Variants in MYLK3 observed in about 807,000 individuals in gnomAD.
MYLK3 encodes myosin light chain kinase 3.
MYLK3 carries 55 observed loss-of-function variants against 76.3 expected under a neutral mutation model. The observed-to-expected ratio is 0.72, with a 90% CI of 0.58 to 0.90. MYLK3 has a LOEUF of 0.90. Among genes scored for constraint, MYLK3 ranks in the 40% least tolerant of loss-of-function variants. The pLI is 0.00. For missense variants in MYLK3, 973 were observed against 1,053.6 expected, an observed-to-expected ratio of 0.92 and a Z score of 1.06; for synonymous variants, 416 against 425.4, an observed-to-expected ratio of 0.98 and a Z score of 0.27.
chr16:46,707,779 G>C lies in MYLK3; in HGVS notation c.2401-16C>G. 6.3e-7 allele frequency: 1 copy of C among 1,594,356 alleles called. No homozygotes were observed. The highest frequency in any genetic ancestry group is 8.6e-7 in the Non-Finnish European group (1 of 1,166,150). ...AGAAATGTTTCTTGAGGCAAGGAGA[G>C]AATAAAAGAAAAGAAAAAGCATGTA... On this transcript the variant is annotated splice_polypyrimidine_tract_variant and intron_variant, in intron 12 of 12. Transcript: ENST00000394809.
Position 46,743,378 on chromosome 16 carries a change from C to T in MYLK3, c.478-3231G>A, listed in dbSNP as rs1212167273. Among the ~76,000 whole-genome samples the T allele has an allele frequency of 3.3e-5, 5 of 152,212 alleles. No individual in the cohort carries two copies. In the East Asian group the frequency reaches 5.8e-4, roughly 18 times the overall value. The stretch of plus-strand genomic sequence containing the variant: ...GTCCCCAAGAAGCCTCCATAATGCA[C>T]GGCGTTCAGCACTGACGATGTGTTT... On this transcript the variant is annotated intron_variant, in intron 1 of 12. Coordinates refer to ENST00000394809, the MANE Select transcript of MYLK3 (RefSeq NM_182493.3).
chr16:46,715,245 T>C (rs1966724929), intron 9 of MYLK3, among the ~76,000 whole-genome samples: 1 of 152,204 alleles, frequency 6.6e-6, no homozygotes, highest in Non-Finnish European at 1.5e-5. Context: ...AAACTCCTTA[T>C]CATGAGCTAA....
chr16:46,716,776 C>A (rs1966744978), intron 9 of MYLK3, among the ~76,000 whole-genome samples: 1 of 152,174 alleles, frequency 6.6e-6, no homozygotes, highest in Non-Finnish European at 1.5e-5. Flanking sequence ...GGGTTTAGAT[C>A]ATGGGCTTTT....
intron 1 of MYLK3, among the ~76,000 whole-genome samples, chr16:46,740,536 C>T (rs1168711995): frequency 6.4e-5 from 6 of 93,642 alleles, no homozygotes; most frequent in African/African-American, 2.4e-4. Flanking sequence ...TATATACATA[C>T]ATATATATAT....
chr16:46,719,802 G>A (rs1161026537), intron 9 of MYLK3, among the ~76,000 whole-genome samples: 1 of 152,258 alleles, frequency 6.6e-6, no homozygotes, highest in Non-Finnish European at 1.5e-5. Context: ...CATGGGTAGT[G>A]TGGCACCCCT....
At position 46,730,709 on chromosome 16, in the gene MYLK3, G is replaced by A. The variant is rs373633849; in HGVS notation, c.1463-11C>T. 4 of 1,613,316 alleles carry A rather than the reference G, an allele frequency of 2.5e-6. No homozygotes were observed. The highest frequency in any genetic ancestry group is 1.3e-5 in the African/African-American group (1 of 75,042). On this transcript the variant is annotated splice_polypyrimidine_tract_variant and intron_variant, in intron 4 of 12. Transcript: ENST00000394809. ...GGGCCGGACTGTCATCTGCTCAGGA[G>A]GCAATAAGGACCTGTGAGCCTCCTC...
intron 1 of MYLK3, among the ~76,000 whole-genome samples, chr16:46,758,826 C>T (rs560725337): frequency 6.6e-5 from 10 of 152,016 alleles, no homozygotes; most frequent in Non-Finnish European, 1.0e-4. Flanking sequence ...GTGCGGGGTG[C>T]GGGGTGAGAC....
rs193058474 is a variant in MYLK3 at position 46,706,446 on chromosome 16, A to C, written c.*1258T>G. ...GTAGCTGACATTACAGGCATCCGCC[A>C]CCACGCCCCACTAATTTTTGTATTT... On this transcript the variant is annotated 3_prime_UTR_variant, in exon 13 of 13. Transcript: ENST00000394809. The C allele has an allele frequency of 1.3e-5, 2 of 152,170 alleles. No homozygotes were observed. Among genetic ancestry groups the C allele is most frequent in the East Asian group, 3.9e-4 (2 of 5,168 alleles). The allele number at this position is 152,170 out of a possible 1,614,324, so 9.4% of individuals were successfully genotyped here. A position where few individuals can be genotyped will look rare whatever the true frequency, so the allele number is the denominator to read the frequency against.
At chr16:46,748,499 C>T (rs1200720103), upstream of MYLK3, among the ~76,000 whole-genome samples, 1 of 152,196 alleles carries the variant, frequency 6.6e-6, no homozygotes, top group Non-Finnish European at 1.5e-5. The surrounding 1 kb of genome is among the most constrained non-coding windows in gnomAD (Gnocchi z 4.3). Flanking sequence ...CTCTGAGAGG[C>T]TGCTGATGGG....
intron 3 of MYLK3, among the ~76,000 whole-genome samples, chr16:46,734,275 G>T (rs1157332635): frequency 1.3e-5 from 2 of 152,162 alleles, no homozygotes; most frequent in Non-Finnish European, 2.9e-5. Context: ...AGCATCGATG[G>T]ACCCTGAGGA....
chr16:46,757,747 G>A (rs1015259992), intron 1 of MYLK3, among the ~76,000 whole-genome samples: 5 of 152,316 alleles, frequency 3.3e-5, no homozygotes, highest in East Asian at 3.9e-4. Context: ...CTGCCTCCCC[G>A]GGGGCCTACT....
rs541580699 is a variant in MYLK3 at position 46,744,769 on chromosome 16, G to A, written c.477+2948C>T. 1.9e-3 allele frequency among the ~76,000 whole-genome samples: 290 copies of A among 152,230 alleles called. 1 individual carries two copies. The highest frequency in any genetic ancestry group is 6.5e-3 in the African/African-American group (271 of 41,540). Reference sequence around the variant, plus strand: ...AATCCCAACACTTCGGGAGGCTGAGGCAGGAGGATTGCTTGAGCCCAGGAG... The same window carrying A: ...AATCCCAACACTTCGGGAGGCTGAGACAGGAGGATTGCTTGAGCCCAGGAG... On this transcript the variant is annotated intron_variant, in intron 1 of 12. Transcript: ENST00000394809.
chr16:46,744,818 A>G (rs1966995764), intron 1 of MYLK3, among the ~76,000 whole-genome samples: 1 of 152,128 alleles, frequency 6.6e-6, no homozygotes, highest in Admixed American at 6.5e-5. Context: ...TGGGCAATGT[A>G]GTAAGACCCT....
At chr16:46,733,965 A>G (rs1034143651) in intron 3 of MYLK3, among the ~76,000 whole-genome samples, 3 of 152,202 alleles carry the variant, frequency 2.0e-5, no homozygotes, top group Non-Finnish European at 2.9e-5. Context: ...GGGGTTCAAA[A>G]GGGCTAAAAT....
intron 1 of MYLK3, among the ~76,000 whole-genome samples, chr16:46,756,841 C>T (rs1307713775): frequency 1.3e-5 from 2 of 152,190 alleles, no homozygotes; most frequent in Non-Finnish European, 2.9e-5. Flanking sequence ...GCACCTGGCA[C>T]GTGGTAAGTC....
At position 46,747,889 on chromosome 16, in the gene MYLK3, T is replaced by G. The variant is rs775901507; in HGVS notation, c.305A>C (p.Gln102Pro). The change falls in exon 1 of 13, where the codon CAG (glutamine) becomes CCG (proline). Residue 102 changes from glutamine (Q) to proline (P), a missense_variant. Gln to Pro is a moderately conservative substitution (Grantham distance 76). This residue lies in a region of MYLK3 where 641 missense variants were observed against 637.0 expected (regional missense o/e 1.01). Transcript: ENST00000394809. ...EVLELVRAMQ[Q>P]DAAQHGARLE... ...CCTGGCACCGTGCTGGGCCGCATCC[T>G]GCTGCATGGCCCTCACCAGCTCCAG... 6.8e-6 allele frequency: 11 copies of G among 1,613,828 alleles called. No homozygotes were observed. The African/African-American group carries it at 1.1e-4, about 16-fold the overall frequency.
Position 46,727,370 on chromosome 16 carries a change from C to T in MYLK3, c.1780G>A (p.Gly594Arg), listed in dbSNP as rs1465298646. 2 of 1,608,340 alleles carry T rather than the reference C, an allele frequency of 1.2e-6. No homozygotes were observed. The highest frequency in any genetic ancestry group is 1.7e-6 in the Non-Finnish European group (2 of 1,175,432). Residue 594 changes from glycine (G) to arginine (R), a missense_variant, in exon 8 of 13, where the codon GGG (glycine) becomes AGG (arginine). Coordinates refer to ENST00000394809, the MANE Select transcript of MYLK3 (RefSeq NM_182493.3). ...SCTLVMEYVD[G>R]GELFDRITDE... ...GTGATCCGGTCGAAGAGCTCACCCC[C>T]GTCCACGCTGCCAGAGCAAAGGGAG...
chr16:46,707,290 A>G lies in MYLK3; in HGVS notation c.*414T>C, dbSNP rs970500598. 5.1e-5 allele frequency: 8 copies of G among 156,570 alleles called. No individual in the cohort carries two copies. Among genetic ancestry groups the G allele is most frequent in the African/African-American group, 1.9e-4 (8 of 41,618 alleles). The allele number at this position is 156,570 out of a possible 1,614,324, so 9.7% of individuals were successfully genotyped here. A position where few individuals can be genotyped will look rare whatever the true frequency, so the allele number is the denominator to read the frequency against. On this transcript the variant is annotated 3_prime_UTR_variant, in exon 13 of 13. Coordinates refer to ENST00000394809, the MANE Select transcript of MYLK3 (RefSeq NM_182493.3). Reference sequence around the variant, plus strand: ...ACAATAAAATGTCAGCTCACACCTGAGCAAATCAAAATTCTAGGAATTCTT... The same window carrying G: ...ACAATAAAATGTCAGCTCACACCTGGGCAAATCAAAATTCTAGGAATTCTT...
At chr16:46,710,285 C>A (rs1314394286) in intron 11 of MYLK3, among the ~76,000 whole-genome samples, 1 of 152,182 alleles carries the variant, frequency 6.6e-6, no homozygotes, top group Non-Finnish European at 1.5e-5. Context: ...CTAAATAGAT[C>A]TTCTTCACCA....
Sources: gnomAD v4.1 joint callset for allele counts (sites outside exome capture counted in the v4.1 genomes callset) on GRCh38, gnomAD v4.1.1 for gene constraint, gnomAD v4.1.1 regional missense constraint, Gnocchi (gnomAD v3.1) non-coding constraint, MANE v1.5 for transcripts, NCBI Gene and HGNC (gene_info 2026-07-23, HGNC 2026-07-21) for gene names.